The following LPIN2 variants were observed in gnomAD, a reference collection of about 807,000 sequenced individuals.
LPIN2 encodes lipin 2, also known as phosphatidate phosphatase LPIN2.
LPIN2 carries 55 observed loss-of-function variants against 111.4 expected under a neutral mutation model. The ratio of observed to expected loss-of-function variants is 0.49; its 90% confidence interval spans 0.40 to 0.62. LPIN2 has a LOEUF of 0.62. Ranked by LOEUF, LPIN2 falls within the 20% of genes least tolerant of loss-of-function variation. The pLI is 0.00. For synonymous variants in LPIN2, 425 were observed against 414.0 expected, an observed-to-expected ratio of 1.03 and a Z score of -0.32; for missense variants, 992 against 1,112.1, an observed-to-expected ratio of 0.89 and a Z score of 1.54.
chr18:2,928,601 CT>C lies in LPIN2; in HGVS notation c.1609del (p.Ser537AlafsTer11). 1 of 1,614,152 alleles carries C rather than the reference CT, an allele frequency of 6.2e-7. No homozygotes were observed. The highest frequency in any genetic ancestry group is 8.5e-7 in the Non-Finnish European group (1 of 1,180,030). On this transcript the variant is annotated frameshift_variant, in exon 11 of 20. Transcript: ENST00000677752. LOFTEE classifies it high-confidence loss of function. ...MILSLQVFQKSLPKATVESWV... is the reference protein window; with the variant it reads ...MILSLQVFQKXLPKATVESWV... ...GGTGGATCGCCTCACCTTAGGCAAGCTCTTCTGGAATACTTGCAAGCTAAGG... is the reference window on the plus strand; with the variant it reads ...GGTGGATCGCCTCACCTTAGGCAAGCCTTCTGGAATACTTGCAAGCTAAGG...
intron 1 of LPIN2, among the ~76,000 whole-genome samples, chr18:3,000,118 AAGGAGGAGG>A (rs113566510): frequency 1.4e-5 from 2 of 144,200 alleles, no homozygotes; most frequent in Admixed American, 6.9e-5. Context: ...GGAGGGGAAG[AAGGAGGAGG>A]AGGAGGAGGA....
At position 2,920,345 on chromosome 18, in the gene LPIN2, A is replaced by G. The variant is rs1218283444; in HGVS notation, c.2639T>C (p.Phe880Ser). Residue 880 changes from phenylalanine (F) to serine (S), a missense_variant, in exon 20 of 20, where the codon TTC becomes TCC. This residue lies in a region of LPIN2 where 185 missense variants were observed against 186.5 expected (regional missense o/e 0.99). Transcript: ENST00000677752. Reference protein sequence around the residue: ...SAFPCPEFSSFCYWRDPIPEV... With the variant: ...SAFPCPEFSSSCYWRDPIPEV... ...AGGGATCGGGTCTCGCCAGTAGCAG[A>G]AGGAGCTGAACTCCGGGCAGGGAAA... 4.3e-6 allele frequency: 7 copies of G among 1,614,112 alleles called. No individual in the cohort carries two copies. Among genetic ancestry groups the G allele is most frequent in the Middle Eastern group, 1.6e-4 (1 of 6,062 alleles).
Position 2,920,140 on chromosome 18 carries a change from G to A in LPIN2, c.*153C>T, listed in dbSNP as rs1336571827. On this transcript the variant is annotated 3_prime_UTR_variant, in exon 20 of 20. Transcript: ENST00000677752. ...GCAGACCTGCCGAGCCTGAGCAGCT[G>A]GCCTGGGAAGGCAAAGGAGGATGGC... The A allele has an allele frequency of 2.0e-6, 2 of 992,272 alleles. No individual in the cohort carries two copies. The highest frequency in any genetic ancestry group is 2.0e-5 in the Admixed American group (1 of 50,540). The allele number at this position is 992,272 out of a possible 1,614,324, so 61.5% of individuals were successfully genotyped here. A position where few individuals can be genotyped will look rare whatever the true frequency, so the allele number is the denominator to read the frequency against.
At chr18:2,987,920 T>A (rs1012559282) in intron 1 of LPIN2, among the ~76,000 whole-genome samples, 1 of 141,556 alleles carries the variant, frequency 7.1e-6, no homozygotes, top group African/African-American at 2.7e-5. Flanking sequence ...ACGCCTGTAA[T>A]CCCAGCTACT....
chr18:2,986,806 T>C (rs2078193744), intron 1 of LPIN2, among the ~76,000 whole-genome samples: 1 of 152,146 alleles, frequency 6.6e-6, no homozygotes, highest in Admixed American at 6.5e-5. Flanking sequence ...ATCTGAACAT[T>C]AAGAGAGTAA....
chr18:2,963,396 AG>A (rs1245318725), intron 1 of LPIN2, among the ~76,000 whole-genome samples: 3 of 150,428 alleles, frequency 2.0e-5, no homozygotes, highest in Admixed American at 2.0e-4. Context: ...GAACCAAGTC[AG>A]ACCTGTCCTG....
rs113533659 is a variant in LPIN2, at chr18:2,917,194, G to A, written c.*3099C>T. The A allele has an allele frequency of 2.0e-5, 3 of 152,108 alleles. No homozygotes were observed. The highest frequency in any genetic ancestry group is 7.2e-5 in the African/African-American group (3 of 41,408). 9.4% of individuals were successfully genotyped at this position (152,108 alleles called of 1,614,324 possible). On this transcript the variant is annotated 3_prime_UTR_variant, in exon 20 of 20. Coordinates refer to ENST00000677752, the MANE Select transcript of LPIN2 (RefSeq NM_001375808.2). Reference sequence around the variant, plus strand: ...TCTAATAATCAAATACTTCATCATAGGCTGAACATAATTATTAAAAGAGCA... The same window carrying A: ...TCTAATAATCAAATACTTCATCATAAGCTGAACATAATTATTAAAAGAGCA...
At chr18:2,949,815 T>C (rs1469999388) in intron 4 of LPIN2, among the ~76,000 whole-genome samples, 1 of 152,218 alleles carries the variant, frequency 6.6e-6, no homozygotes, top group Non-Finnish European at 1.5e-5. Context: ...ATTAACACTT[T>C]TTGCTGGGCT....
At chr18:2,994,237 CAGTA>C (rs1045385802) in intron 1 of LPIN2, among the ~76,000 whole-genome samples, 7 of 152,302 alleles carry the variant, frequency 4.6e-5, no homozygotes, top group South Asian at 4.1e-4. Flanking sequence ...AATACAAAGG[CAGTA>C]AGTGTTTTTC....
chr18:2,956,935 A>C (rs574848470), intron 2 of LPIN2, among the ~76,000 whole-genome samples: 5 of 152,370 alleles, frequency 3.3e-5, no homozygotes, highest in Admixed American at 1.3e-4. Context: ...GGCAACAACA[A>C]CACAAAGGTT....
chr18:2,920,734 C>T, intron 19 of LPIN2, 44 bp downstream of exon 19: 2 of 1,450,418 alleles, frequency 1.4e-6, no homozygotes, highest in Non-Finnish European at 9.7e-7. Context: ...CCAACTGTAC[C>T]CCTGGCTGCA....
intron 1 of LPIN2, among the ~76,000 whole-genome samples, chr18:2,987,495 A>G (rs934543282): frequency 1.2e-4 from 18 of 152,120 alleles, no homozygotes; most frequent in African/African-American, 4.3e-4. Context: ...CCTCATCCTC[A>G]CATTCCTTGA....
chr18:2,972,345 G>C (rs1235165784), intron 1 of LPIN2: 1 of 152,224 alleles, frequency 6.6e-6, no homozygotes, highest in African/African-American at 2.4e-5. Context: ...CTGGTCATCA[G>C]AGGAAGTCAG....
intron 11 of LPIN2, 34 bp from the exon 12 acceptor site, chr18:2,927,845 T>C (rs754941144): frequency 6.3e-7 from 1 of 1,577,346 alleles, no homozygotes; most frequent in Non-Finnish European, 8.7e-7. Context: ...GTCTGGGCAA[T>C]CTACTGGCCA....
intron 12 of LPIN2, among the ~76,000 whole-genome samples, chr18:2,927,437 T>C (rs1351246183): frequency 1.3e-5 from 2 of 152,186 alleles, no homozygotes; most frequent in Non-Finnish European, 2.9e-5. Flanking sequence ...GGAGTCAGAC[T>C]CAAGGTCTTG....
intron 3 of LPIN2, among the ~76,000 whole-genome samples, chr18:2,953,038 G>A (rs772172692): frequency 5.3e-5 from 8 of 152,206 alleles, no homozygotes; most frequent in Non-Finnish European, 1.0e-4. Context: ...GAGGCATGTT[G>A]TATTCATAGC....
At position 2,920,412 on chromosome 18, in the gene LPIN2, C is replaced by G. The variant is rs774449593; in HGVS notation, c.2572G>C (p.Glu858Gln). The G allele has an allele frequency of 6.2e-7, 1 of 1,613,892 alleles. No individual in the cohort carries two copies. The highest frequency in any genetic ancestry group is 8.5e-7 in the Non-Finnish European group (1 of 1,180,042). The change falls in exon 20 of 20, where the codon GAG (glutamate) becomes CAG (glutamine). Residue 858 changes from glutamate (E) to glutamine (Q), a missense_variant. Around this residue, in one of 4 missense-constraint regions of LPIN2, gnomAD observed 185 missense variants for 186.5 expected, o/e 0.99. Transcript: ENST00000677752. ...TTACTGAGAAGGGGGAACACATGCTCCACGAGCTCACTCAGCCTGTGATAC... is the reference window on the plus strand; with the variant it reads ...TTACTGAGAAGGGGGAACACATGCTGCACGAGCTCACTCAGCCTGTGATAC... ...SSYHRLSELVEHVFPLLSKEQ... is the reference protein window; with the variant it reads ...SSYHRLSELVQHVFPLLSKEQ...
intron 1 of LPIN2, among the ~76,000 whole-genome samples, chr18:3,006,785 A>C (rs113957690): frequency 0.48 from 72,570 of 151,114 alleles, 19,125 homozygotes; most frequent in African/African-American, 0.72. Context: ...TGCAGTGAGC[A>C]GAGATCGCGC....
chr18:2,958,158 C>CAAAAAAAAAAA (rs1555678271), intron 2 of LPIN2, among the ~76,000 whole-genome samples: 1 of 35,352 alleles, frequency 2.8e-5, no homozygotes, highest in Non-Finnish European at 5.2e-5. Context: ...AAAAAAAAAA[C>CAAAAAAAAAAA]AACAAAAAAA....
Sources: gnomAD v4.1 joint callset for allele counts (sites outside exome capture counted in the v4.1 genomes callset) on GRCh38, gnomAD v4.1.1 for gene constraint, gnomAD v4.1.1 regional missense constraint, MANE v1.5 for transcripts, NCBI Gene and HGNC (gene_info 2026-07-23, HGNC 2026-07-21) for gene names.